SLC37A3: variants seen among roughly 807,000 people sequenced by gnomAD.
SLC37A3 encodes the protein sugar phosphate exchanger 3.
SLC37A3 carries 51 observed loss-of-function variants against 67.1 expected under a neutral mutation model. The ratio of observed to expected loss-of-function variants is 0.76; its 90% CI spans 0.61 to 0.96. The LOEUF is 0.96. Ranked by LOEUF, SLC37A3 falls within the 40% of genes least tolerant of loss-of-function variation. The pLI, the probability that SLC37A3 is intolerant of heterozygous loss-of-function variation, is 0.00. For synonymous variants in SLC37A3, 214 were observed against 231.4 expected, an observed-to-expected ratio of 0.92 and a Z score of 0.68; for missense variants, 508 against 603.0, an observed-to-expected ratio of 0.84 and a Z score of 1.65.
rs1172096190 is a variant in SLC37A3, at chr7:140,337,098, CA to C, written c.1392+185del. ...TGGGCAACAGAGCGAGACTCTGCCTCAAAAAAAAAAAAAAAAAAAAAGAAGA... is the reference window on the plus strand; with the variant it reads ...TGGGCAACAGAGCGAGACTCTGCCTCAAAAAAAAAAAAAAAAAAAAGAAGA... On this transcript the variant is annotated intron_variant, in intron 14 of 14. Coordinates refer to ENST00000326232, the MANE Select transcript of SLC37A3 (RefSeq NM_207113.3). Among the ~76,000 whole-genome samples, 145 of 69,630 alleles carry C rather than the reference CA, an allele frequency of 2.1e-3. 1 individual carries two copies. The South Asian group carries it at 0.028, about 13-fold the overall frequency. 45.7% of individuals were successfully genotyped at this position (69,630 alleles called of 152,430 possible).
chr7:140,339,812 C>T (rs577438545), intron 13 of SLC37A3, among the ~76,000 whole-genome samples: 35 of 151,722 alleles, frequency 2.3e-4, no homozygotes, highest in Middle Eastern at 3.4e-3. Context: ...TCTCAGCTCA[C>T]TGCAAGCTCC....
rs1288868416 is a variant in SLC37A3, at chr7:140,355,558, C to A, written c.618+110G>T. 7.0e-6 allele frequency: 7 copies of A among 994,724 alleles called. No homozygotes were observed. In the East Asian group the frequency reaches 1.7e-4, roughly 24 times the overall value. The allele number at this position is 994,724 out of a possible 1,614,324, so 61.6% of individuals were successfully genotyped here. On this transcript the variant is annotated intron_variant, in intron 7 of 14. Transcript: ENST00000326232. ...ATACAAGCCTTGCCCTATCCAGACA[C>A]AGTTCTACATAGTTTTAAATGGCCA...
intron 11 of SLC37A3, among the ~76,000 whole-genome samples, chr7:140,345,609 C>A (rs1165016372): frequency 6.6e-6 from 1 of 152,104 alleles, no homozygotes; most frequent in Non-Finnish European, 1.5e-5. Flanking sequence ...GGAGCCTCCC[C>A]CAAACAAAGC....
chr7:140,351,425 T>C lies in SLC37A3; in HGVS notation c.730A>G (p.Asn244Asp). 3 of 1,614,172 alleles carry C rather than the reference T, an allele frequency of 1.9e-6. No individual in the cohort carries two copies. The highest frequency in any genetic ancestry group is 2.5e-6 in the Non-Finnish European group (3 of 1,180,016). ...IGLSGIEAEE[N>D]FEEDSHRPLI... is the part of the protein sequence containing the mutation. ...GGCCTGTGTGAGTCTTCTTCAAAGT[T>C]TTCTTCTGCCTCAATACCCGAGAGA... The change falls in exon 9 of 15, where the codon AAC becomes GAC. Residue 244 changes from asparagine to aspartate, a missense_variant. Transcript: ENST00000326232.
At chr7:140,345,111 A>T in intron 12 of SLC37A3, 105 bp downstream of exon 12, 1 of 980,206 alleles carries the variant, frequency 1.0e-6, no homozygotes, top group Non-Finnish European at 1.5e-6. Flanking sequence ...AATTCTCTGT[A>T]ATTAAGGTTT....
At chr7:140,357,085 G>A (rs1338197271) in intron 6 of SLC37A3, among the ~76,000 whole-genome samples, 1 of 151,576 alleles carries the variant, frequency 6.6e-6, no homozygotes, top group African/African-American at 2.4e-5. Context: ...ATGGTGGCGG[G>A]CCCCTGTAAT....
rs373446341 is a variant in SLC37A3, at chr7:140,372,314, T to G, written c.199-2632A>C. On this transcript the variant is annotated intron_variant, in intron 3 of 14. Coordinates refer to ENST00000326232, the MANE Select transcript of SLC37A3 (RefSeq NM_207113.3). ...CCAGATCATAGCCCTCCAACTGTGG[T>G]CCACAGAACTAGGGGAGACAGAGAG... is the stretch of plus-strand genomic sequence containing the variant. Among the ~76,000 whole-genome samples, 168 of 152,240 alleles carry G rather than the reference T, an allele frequency of 1.1e-3. 1 individual carries two copies. The highest frequency in any genetic ancestry group is 3.8e-3 in the African/African-American group (156 of 41,544).
chr7:140,382,635 A>G, intron 1 of SLC37A3, 39 bp from the exon 2 acceptor site: 2 of 899,124 alleles, frequency 2.2e-6, no homozygotes, highest in South Asian at 1.7e-5. Context: ...TATTAAACAT[A>G]GGCAGAGTAT....
intron 6 of SLC37A3, among the ~76,000 whole-genome samples, chr7:140,356,943 G>A (rs7789964): frequency 0.13 from 19,596 of 152,132 alleles, 1,499 homozygotes; most frequent in African/African-American, 0.2. Context: ...GCCAGGCGCA[G>A]TAGCTACGCC....
chr7:140,337,236 A>C, intron 14 of SLC37A3, 48 bp downstream of exon 14: 1 of 1,465,542 alleles, frequency 6.8e-7, no homozygotes, highest in Non-Finnish European at 9.1e-7. Flanking sequence ...CTTTGAACTT[A>C]ATTAACAGAA....
intron 7 of SLC37A3, among the ~76,000 whole-genome samples, chr7:140,354,152 T>C (rs1453461362): frequency 2.0e-5 from 3 of 152,260 alleles, no homozygotes; most frequent in South Asian, 4.1e-4. Context: ...ACAGTTGTGT[T>C]CACTCTTTGG....
intron 11 of SLC37A3, 96 bp from the exon 12 acceptor site, chr7:140,345,359 C>T: frequency 1.1e-6 from 1 of 869,930 alleles, no homozygotes; most frequent in Non-Finnish European, 1.9e-6. Flanking sequence ...TCCGTGACCT[C>T]ACAAATCACT....
chr7:140,355,816 T>C lies in SLC37A3; in HGVS notation c.522-52A>G, dbSNP rs751138205. ...AGGGCCATGGTCAGAAGAGATACTC[T>C]GGGCAGTTCAAAATACAAAACAGCC... is the stretch of plus-strand genomic sequence containing the variant. On this transcript the variant is annotated intron_variant, in intron 6 of 14. Transcript: ENST00000326232. The C allele has an allele frequency of 1.1e-4, 162 of 1,505,598 alleles. 1 individual carries two copies. In the South Asian group the frequency reaches 1.5e-3, roughly 14 times the overall value. 93.3% of individuals were successfully genotyped at this position (1,505,598 alleles called of 1,614,324 possible). A position where few individuals can be genotyped will look rare whatever the true frequency, so the allele number is the denominator to read the frequency against.
chr7:140,358,483 A>ACG (rs1797125948), intron 6 of SLC37A3, among the ~76,000 whole-genome samples, 157 bp downstream of exon 6: 1 of 152,136 alleles, frequency 6.6e-6, no homozygotes, highest in South Asian at 2.1e-4. Flanking sequence ...TCCAACGCAC[A>ACG]CTGACGTGAA....
chr7:140,355,536 C>T, intron 7 of SLC37A3, 132 bp downstream of exon 7: 8 of 807,812 alleles, frequency 9.9e-6, no homozygotes, highest in Non-Finnish European at 1.5e-5. Context: ...ACTTTTAATA[C>T]AAGCCTTGCC....
chr7:140,365,726 A>C (rs1435985912), intron 4 of SLC37A3, among the ~76,000 whole-genome samples: 1 of 152,120 alleles, frequency 6.6e-6, no homozygotes, highest in South Asian at 2.1e-4. Context: ...ATCTCAAAAA[A>C]AAAATGAGAA....
intron 2 of SLC37A3, among the ~76,000 whole-genome samples, chr7:140,381,458 G>C (rs143889331): frequency 6.6e-6 from 1 of 151,878 alleles, no homozygotes; most frequent in Non-Finnish European, 1.5e-5. Context: ...CCGGGAGTTC[G>C]AGGCTGCAGT....
intron 7 of SLC37A3, among the ~76,000 whole-genome samples, chr7:140,354,176 T>C (rs1465486922): frequency 2.0e-5 from 3 of 152,254 alleles, no homozygotes; most frequent in Admixed American, 1.3e-4. Context: ...TTATAAACAA[T>C]GCCAAAATAA....
intron 3 of SLC37A3, among the ~76,000 whole-genome samples, chr7:140,370,963 A>C (rs1191622114): frequency 6.6e-6 from 1 of 152,154 alleles, no homozygotes; most frequent in Non-Finnish European, 1.5e-5. Flanking sequence ...TAAACTGAAG[A>C]AGCTGTTCAA....
Sources: gnomAD v4.1 joint callset for allele counts (sites outside exome capture counted in the v4.1 genomes callset) on GRCh38, gnomAD v4.1.1 for gene constraint, MANE v1.5 for transcripts, NCBI Gene and HGNC (gene_info 2026-07-23, HGNC 2026-07-21) for gene names.